The following DMD variants were observed in gnomAD, a reference collection of about 807,000 sequenced individuals.
DMD encodes the protein mutant dystrophin.
DMD carries 63 observed loss-of-function variants against 330.1 expected under a neutral mutation model. That is an observed-to-expected ratio of 0.19 (90% CI 0.16 to 0.24). The LOEUF (loss-of-function observed/expected upper bound fraction) is 0.24, where lower values mean the gene tolerates loss of function less well. Among genes scored for constraint, DMD ranks in the 10% least tolerant of loss-of-function variants. The pLI is 1.00. For synonymous variants in DMD, 1,223 were observed against 959.8 expected, an observed-to-expected ratio of 1.27 and a Z score of -5.07; for missense variants, 3,344 against 2,684.1, an observed-to-expected ratio of 1.25 and a Z score of -5.43.
intron 50 of DMD, among the ~76,000 whole-genome samples, chrX:31,815,583 A>AG (rs1453381370): frequency 1.3e-3 from 150 of 112,163 alleles, no homozygotes; most frequent in African/African-American, 4.8e-3. Flanking sequence ...TTTGAGAATT[A>AG]AGTTGGATTA....
At chrX:33,043,626 CAAAG>C (rs889834478) in intron 1 of DMD, among the ~76,000 whole-genome samples, 3 of 111,555 alleles carry the variant, frequency 2.7e-5, no homozygotes, top group African/African-American at 9.8e-5. Flanking sequence ...AAATAGAAAA[CAAAG>C]AAGTTTTGAC....
chrX:32,310,067 G>C lies in DMD; in HGVS notation c.6117+15C>G. 8.4e-7 allele frequency: 1 copy of C among 1,194,488 alleles called. No homozygotes were observed. The highest frequency in any genetic ancestry group is 1.1e-6 in the Non-Finnish European group (1 of 880,611). On this transcript the variant is annotated intron_variant, in intron 42 of 78. Transcript: ENST00000357033. Reference sequence around the variant, plus strand: ...ATCACCTTGTAAAATACGAATGAAAGTGCTTTGGTTTTACCTTCAGAGACT... The same window carrying C: ...ATCACCTTGTAAAATACGAATGAAACTGCTTTGGTTTTACCTTCAGAGACT...
chrX:32,454,975 T>A (rs2098350654), intron 25 of DMD, 143 bp from the exon 26 acceptor site: 1 of 627,807 alleles, frequency 1.6e-6, no homozygotes, highest in Non-Finnish European at 2.4e-6. Context: ...AGAAAATAAC[T>A]CATGGGGATC....
intron 62 of DMD, among the ~76,000 whole-genome samples, chrX:31,313,670 C>A (rs1233526674): frequency 2.7e-5 from 3 of 110,032 alleles, no homozygotes; most frequent in Non-Finnish European, 3.8e-5. Context: ...CATTATCCAC[C>A]CCTCACCCAG....
chrX:32,546,847 T>TA (rs1009254581), intron 16 of DMD, among the ~76,000 whole-genome samples: 8 of 111,520 alleles, frequency 7.2e-5, no homozygotes, highest in African/African-American at 2.3e-4. Context: ...AACATAGCTC[T>TA]AAAAAAAGCT....
chrX:32,009,841 T>A (rs950413649), intron 44 of DMD, among the ~76,000 whole-genome samples: 15 of 112,055 alleles, frequency 1.3e-4, no homozygotes, highest in African/African-American at 4.5e-4. Context: ...ATTTTACTTA[T>A]CCAACCACAT....
At chrX:33,282,699 T>C (rs2053355624) in intron 1 of DMD, among the ~76,000 whole-genome samples, 1 of 112,079 alleles carries the variant, frequency 8.9e-6, no homozygotes, top group Non-Finnish European at 1.9e-5. Flanking sequence ...AGCTGCTTAA[T>C]GTTAGATGGG....
At chrX:32,689,338 A>G (rs2063108064) in intron 9 of DMD, among the ~76,000 whole-genome samples, 2 of 111,227 alleles carry the variant, frequency 1.8e-5, no homozygotes, top group Non-Finnish European at 3.8e-5. Context: ...ATTCCTAGAA[A>G]CATAAAACCT....
chrX:31,702,381 C>G (rs781553168), intron 52 of DMD, among the ~76,000 whole-genome samples: 1 of 112,056 alleles, frequency 8.9e-6, no homozygotes, highest in South Asian at 3.8e-4. Context: ...CCAACATATC[C>G]AAACTGGATT....
chrX:31,751,903 G>C (rs2088608289), intron 51 of DMD, among the ~76,000 whole-genome samples: 1 of 112,119 alleles, frequency 8.9e-6, no homozygotes, highest in African/African-American at 3.2e-5. Context: ...ACAATGTGTT[G>C]GCAGAGCTTG....
intron 34 of DMD, among the ~76,000 whole-genome samples, chrX:32,370,247 C>A (rs6628711): frequency 0.44 from 45,447 of 103,752 alleles, 7,870 homozygotes; most frequent in East Asian, 0.75. Flanking sequence ...AAATTCTCAG[C>A]AGCTGTAATC....
intron 59 of DMD, among the ~76,000 whole-genome samples, chrX:31,463,310 G>T (rs950736538): frequency 9.0e-6 from 1 of 111,699 alleles, no homozygotes; most frequent in Non-Finnish European, 1.9e-5. Context: ...TTATGAAAAA[G>T]TTCTTTCTTA....
At chrX:33,073,816 G>A (rs2094796391) in intron 1 of DMD, among the ~76,000 whole-genome samples, 1 of 102,184 alleles carries the variant, frequency 9.8e-6, no homozygotes, top group South Asian at 4.8e-4. Flanking sequence ...TGGACAACGA[G>A]AGCAAAACTC....
intron 7 of DMD, among the ~76,000 whole-genome samples, chrX:32,789,607 C>G (rs2075667546): frequency 9.0e-6 from 1 of 111,685 alleles, no homozygotes; most frequent in South Asian, 3.7e-4. Context: ...AGAGATAAAC[C>G]CTGGATTTGA....
At chrX:33,121,513 G>A (rs1003337490) in intron 1 of DMD, among the ~76,000 whole-genome samples, 3 of 112,052 alleles carry the variant, frequency 2.7e-5, no homozygotes, top group Non-Finnish European at 3.8e-5. Flanking sequence ...GATTACAGGC[G>A]TGAGCCACCA....
intron 1 of DMD, among the ~76,000 whole-genome samples, chrX:33,060,799 T>G (rs1462311564): frequency 9.7e-6 from 1 of 103,058 alleles, no homozygotes; most frequent in Admixed American, 1.1e-4. Context: ...ATCATGCCAC[T>G]GCATTCCAGC....
chrX:31,487,323 C>T (rs1483722463), intron 57 of DMD, among the ~76,000 whole-genome samples: 3 of 107,955 alleles, frequency 2.8e-5, no homozygotes, highest in South Asian at 4.1e-4. Context: ...CAGTGGTGCG[C>T]GATCTCGGCT....
At chrX:31,128,895 C>T (rs2034105155) in intron 77 of DMD, among the ~76,000 whole-genome samples, 1 of 112,209 alleles carries the variant, frequency 8.9e-6, no homozygotes, top group Non-Finnish European at 1.9e-5. Flanking sequence ...TCTACGCTGA[C>T]AAAACAGAGG....
intron 55 of DMD, among the ~76,000 whole-genome samples, chrX:31,519,254 T>C (rs2072530351): frequency 8.9e-6 from 1 of 112,220 alleles, no homozygotes; most frequent in Admixed American, 9.4e-5. Flanking sequence ...AAAGCTCTTA[T>C]TTCTGGAATC....
Sources: allele counts gnomAD v4.1 joint callset (sites outside exome capture counted in the v4.1 genomes callset), GRCh38; gene constraint gnomAD v4.1.1; transcripts MANE v1.5; gene names NCBI Gene and HGNC (gene_info 2026-07-23, HGNC 2026-07-21).